Variants in GRID2 observed in about 807,000 individuals in gnomAD.
The protein encoded by GRID2 is glutamate ionotropic receptor delta type subunit 2.
GRID2 carries 33 observed loss-of-function variants against 114.8 expected under a neutral mutation model. That is an observed-to-expected ratio of 0.29 (90% CI 0.22 to 0.38). The LOEUF (loss-of-function observed/expected upper bound fraction) is 0.38. Ranked by LOEUF, GRID2 falls within the 10% of genes least tolerant of loss-of-function variation. The probability of loss-of-function intolerance (pLI) is 1.00; values close to 1 mark genes in which losing one functional copy is unlikely to be tolerated. For missense variants in GRID2, 1,184 were observed against 1,257.7 expected, an observed-to-expected ratio of 0.94 and a Z score of 0.89; for synonymous variants, 505 against 449.9, an observed-to-expected ratio of 1.12 and a Z score of -1.55.
intron 3 of GRID2, among the ~76,000 whole-genome samples, chr4:93,104,296 A>C (rs1731986534): frequency 6.6e-6 from 1 of 152,054 alleles, no homozygotes; most frequent in African/African-American, 2.4e-5. Flanking sequence ...ACAAGTTATT[A>C]ATAGTATTTT....
intron 13 of GRID2, among the ~76,000 whole-genome samples, chr4:93,540,174 A>G (rs1342461260): frequency 6.6e-6 from 1 of 151,922 alleles, no homozygotes; most frequent in East Asian, 1.9e-4. Flanking sequence ...TTTAACTTCA[A>G]CAGCACTTTA....
chr4:93,509,297 G>A (rs1255812641), intron 12 of GRID2, among the ~76,000 whole-genome samples: 3 of 152,088 alleles, frequency 2.0e-5, no homozygotes, highest in Non-Finnish European at 4.4e-5. Context: ...AATTTAGGAG[G>A]TAAAATATAC....
chr4:92,313,524 T>C (rs1725817245), intron 1 of GRID2, among the ~76,000 whole-genome samples: 2 of 151,792 alleles, frequency 1.3e-5, no homozygotes, highest in East Asian at 1.9e-4. Context: ...AATAAAGGAA[T>C]GGAGGGGAAG....
intron 14 of GRID2, among the ~76,000 whole-genome samples, chr4:93,636,978 A>G (rs1175728571): frequency 6.6e-6 from 1 of 152,176 alleles, no homozygotes; most frequent in African/African-American, 2.4e-5. Flanking sequence ...CCTAAAATTT[A>G]CCAGTAAAAT....
At chr4:92,529,365 G>A (rs1203570246) in intron 1 of GRID2, among the ~76,000 whole-genome samples, 1 of 152,054 alleles carries the variant, frequency 6.6e-6, no homozygotes, top group Non-Finnish European at 1.5e-5. Context: ...CCTAAAGGCT[G>A]TTTAAGGGAA....
At chr4:93,064,108 TA>T (rs753418368) in intron 2 of GRID2, among the ~76,000 whole-genome samples, 41 of 136,986 alleles carry the variant, frequency 3.0e-4, no homozygotes, top group Non-Finnish European at 5.5e-4. Flanking sequence ...GTAAAACTTA[TA>T]ACATTAATTT....
At chr4:92,980,730 C>T (rs1409161915) in intron 2 of GRID2, among the ~76,000 whole-genome samples, 1 of 151,862 alleles carries the variant, frequency 6.6e-6, no homozygotes, top group Non-Finnish European at 1.5e-5. Context: ...GATATAAAAA[C>T]TGAGAATTAT....
chr4:92,715,464 C>A (rs181236589), intron 2 of GRID2, among the ~76,000 whole-genome samples: 1 of 152,234 alleles, frequency 6.6e-6, no homozygotes, highest in East Asian at 1.9e-4. Flanking sequence ...TTCAGCAGCA[C>A]CCCACCCCTG....
chr4:93,708,059 G>A (rs993262994), intron 14 of GRID2, among the ~76,000 whole-genome samples: 1 of 151,910 alleles, frequency 6.6e-6, no homozygotes, highest in African/African-American at 2.4e-5. Context: ...AAAGATACTT[G>A]ATATGATTTC....
intron 4 of GRID2, among the ~76,000 whole-genome samples, chr4:93,157,816 A>G (rs747691843): frequency 2.0e-5 from 3 of 151,744 alleles, no homozygotes; most frequent in Non-Finnish European, 2.9e-5. Flanking sequence ...TAAAGGCTGT[A>G]TGATAATGAG....
At chr4:93,481,611 T>C (rs1725872584) in intron 11 of GRID2, among the ~76,000 whole-genome samples, 1 of 152,084 alleles carries the variant, frequency 6.6e-6, no homozygotes, top group Non-Finnish European at 1.5e-5. Context: ...ATTATTGCCA[T>C]GGCCTTGCAT....
chr4:92,569,241 A>T (rs1560716953), intron 1 of GRID2, among the ~76,000 whole-genome samples: 1 of 151,156 alleles, frequency 6.6e-6, no homozygotes, highest in Non-Finnish European at 1.5e-5. Flanking sequence ...TCTGTTCCTG[A>T]ATTAGTTTGC....
intron 13 of GRID2, among the ~76,000 whole-genome samples, chr4:93,593,003 CTT>C (rs1738570147): frequency 6.7e-6 from 1 of 149,572 alleles, no homozygotes; most frequent in African/African-American, 2.4e-5. Flanking sequence ...GGTCTTGACT[CTT>C]TATCCAATTT....
At chr4:93,197,585 A>T (rs1442723464) in intron 4 of GRID2, among the ~76,000 whole-genome samples, 1 of 152,204 alleles carries the variant, frequency 6.6e-6, no homozygotes, top group Non-Finnish European at 1.5e-5. Context: ...GTTGTCAAAC[A>T]TGACCATTTA....
At chr4:93,807,603 G>C (rs141900319) in exon 2 of GRID2, 2 of 152,208 alleles carry the variant, frequency 1.3e-5, no homozygotes, top group African/African-American at 4.8e-5. Flanking sequence ...AGATCACTTG[G>C]ATCTTAGGAT....
At chr4:92,454,887 C>T (rs567658758) in intron 1 of GRID2, among the ~76,000 whole-genome samples, 16 of 152,228 alleles carry the variant, frequency 1.1e-4, no homozygotes, top group African/African-American at 2.9e-4. Context: ...GATTACTTTC[C>T]GATTATTCAC....
At chr4:92,860,095 T>C (rs187298864) in intron 2 of GRID2, among the ~76,000 whole-genome samples, 3 of 152,272 alleles carry the variant, frequency 2.0e-5, no homozygotes, top group Admixed American at 1.3e-4. Context: ...AACCAAAGAA[T>C]TGTCTTTTTT....
At chr4:93,563,352 A>C (rs191839670) in intron 13 of GRID2, among the ~76,000 whole-genome samples, 134 of 152,072 alleles carry the variant, frequency 8.8e-4, no homozygotes, top group Admixed American at 1.6e-3. Flanking sequence ...CCCCTCACTT[A>C]AACATGTTTC....
At chr4:93,646,374 G>C (rs752044861) in intron 14 of GRID2, among the ~76,000 whole-genome samples, 3 of 152,124 alleles carry the variant, frequency 2.0e-5, no homozygotes, top group African/African-American at 7.2e-5. Flanking sequence ...TAAAAGCCCT[G>C]CATTGGGAAC....
Sources: gnomAD v4.1 joint callset for allele counts (sites outside exome capture counted in the v4.1 genomes callset) on GRCh38, gnomAD v4.1.1 for gene constraint, MANE v1.5 for transcripts, NCBI Gene and HGNC (gene_info 2026-07-23, HGNC 2026-07-21) for gene names.